TLK2: variants seen among roughly 807,000 people sequenced by gnomAD.
The protein encoded by TLK2 is serine/threonine-protein kinase tousled-like 2.
A neutral mutation model predicts 117.3 loss-of-function variants in TLK2; 6 were observed. The observed-to-expected ratio is 0.05, with a 90% CI of 0.03 to 0.10. The LOEUF is 0.10. Among genes scored for constraint, TLK2 ranks in the 10% least tolerant of loss-of-function variants. The probability of loss-of-function intolerance (pLI) is 1.00; values close to 1 mark genes in which losing one functional copy is unlikely to be tolerated. For missense variants in TLK2, 299 were observed against 901.2 expected (o/e 0.33, Z 8.56); for synonymous variants, 257 against 316.7 (o/e 0.81, Z 2.00).
At chr17:62,597,571 C>A (rs187584675) in intron 17 of TLK2, among the ~76,000 whole-genome samples, 1 of 152,274 alleles carries the variant, frequency 6.6e-6, no homozygotes, top group Non-Finnish European at 1.5e-5. Flanking sequence ...TTAAAAAGTA[C>A]TGGCCGTGTG....
At chr17:62,501,199 C>T (rs1340173302) in intron 2 of TLK2, among the ~76,000 whole-genome samples, 1 of 152,050 alleles carries the variant, frequency 6.6e-6, no homozygotes, top group Non-Finnish European at 1.5e-5. Flanking sequence ...GATCGTGCCA[C>T]TACACTCCAG....
At chr17:62,611,739 A>G (rs1358566619) in intron 21 of TLK2, among the ~76,000 whole-genome samples, 1 of 152,272 alleles carries the variant, frequency 6.6e-6, no homozygotes, top group Non-Finnish European at 1.5e-5. Context: ...CAGATAATCT[A>G]TATAAGGGCC....
rs1262279927 is a variant in TLK2, at chr17:62,553,584, A to G, written c.628-79A>G. ...GCAAGTGCTTTTTCCCACCCCCCCG[A>G]GAAAGGTAATGAGAAGAGTGTGATG... On this transcript the variant is annotated intron_variant, in intron 8 of 21. Coordinates refer to ENST00000346027, the MANE Select transcript of TLK2 (RefSeq NM_006852.6). 3 of 986,174 alleles carry G rather than the reference A, an allele frequency of 3.0e-6. No individual in the cohort carries two copies. In the African/African-American group the frequency reaches 4.9e-5, roughly 16 times the overall value. 61.1% of individuals were successfully genotyped at this position (986,174 alleles called of 1,614,324 possible). A position where few individuals can be genotyped will look rare whatever the true frequency, so the allele number is the denominator to read the frequency against.
intron 2 of TLK2, among the ~76,000 whole-genome samples, chr17:62,518,741 G>A (rs2075816061): frequency 6.6e-6 from 1 of 151,828 alleles, no homozygotes; most frequent in Admixed American, 6.6e-5. Flanking sequence ...GACTGAAAAT[G>A]ATTAAGAAGA....
intron 2 of TLK2, among the ~76,000 whole-genome samples, chr17:62,481,882 A>G (rs1385856459): frequency 3.3e-5 from 5 of 152,168 alleles, no homozygotes; most frequent in Non-Finnish European, 7.3e-5. Flanking sequence ...ACGATATTTT[A>G]TTTAAAAGCT....
chr17:62,608,200 T>C, intron 21 of TLK2, 52 bp downstream of exon 21: 2 of 1,482,878 alleles, frequency 1.3e-6, no homozygotes, highest in Non-Finnish European at 1.9e-6. Flanking sequence ...TTGCTTTCTG[T>C]ATTACTTTTT....
intron 21 of TLK2, among the ~76,000 whole-genome samples, chr17:62,609,582 C>G (rs1321758167): frequency 1.3e-5 from 2 of 152,200 alleles, no homozygotes; most frequent in Non-Finnish European, 2.9e-5. Context: ...AGTTTAAGTA[C>G]TGCATAACCA....
At chr17:62,487,961 C>T (rs1165853756) in intron 2 of TLK2, among the ~76,000 whole-genome samples, 3 of 150,348 alleles carry the variant, frequency 2.0e-5, no homozygotes, top group South Asian at 2.1e-4. Context: ...TTTTTGGAGA[C>T]GGAGTTTCAC....
rs538559822 is a variant in TLK2, at chr17:62,614,097, C to T, written c.*1532C>T. ...CGAGATGGCACCACTGCAATCCAGC[C>T]TAGGCAACAGAATGAGACTCTGTCT... On this transcript the variant is annotated 3_prime_UTR_variant, in exon 22 of 22. Coordinates refer to ENST00000346027, the MANE Select transcript of TLK2 (RefSeq NM_006852.6). The T allele has an allele frequency of 8.4e-5, 12 of 142,862 alleles. No individual in the cohort carries two copies. Among genetic ancestry groups the T allele is most frequent in the African/African-American group, 2.6e-4 (10 of 38,264 alleles). The allele number at this position is 142,862 out of a possible 1,614,324, so 8.8% of individuals were successfully genotyped here.
intron 16 of TLK2, among the ~76,000 whole-genome samples, chr17:62,593,262 G>T (rs2082210225): frequency 6.6e-6 from 1 of 152,154 alleles, no homozygotes; most frequent in Non-Finnish European, 1.5e-5. Context: ...GTTGTTCTGG[G>T]TGAGTCAGAG....
At position 62,565,283 on chromosome 17, in the gene TLK2, A is replaced by G. The variant is rs2079661763; in HGVS notation, c.968+146A>G. On this transcript the variant is annotated intron_variant, in intron 11 of 21. Transcript: ENST00000346027. ...AGTCACCACATGTGGAAAGAAATGT[A>G]TCGAATGAGGTGAAGTCCTGAAAAA... The G allele has an allele frequency of 4.7e-6, 5 of 1,064,378 alleles. No homozygotes were observed. In the South Asian group the frequency reaches 8.7e-5, roughly 19 times the overall value. The allele number at this position is 1,064,378 out of a possible 1,614,324, so 65.9% of individuals were successfully genotyped here. A position where few individuals can be genotyped will look rare whatever the true frequency, so the allele number is the denominator to read the frequency against.
intron 16 of TLK2, among the ~76,000 whole-genome samples, chr17:62,594,333 G>A (rs1295484647): frequency 6.6e-6 from 1 of 152,058 alleles, no homozygotes; most frequent in Non-Finnish European, 1.5e-5. Context: ...GCTTGAACCT[G>A]GAAGGCAAAG....
chr17:62,472,077 T>G (rs867546000), intron 1 of TLK2, among the ~76,000 whole-genome samples: 53 of 151,298 alleles, frequency 3.5e-4, no homozygotes, highest in Middle Eastern at 6.8e-3. Flanking sequence ...CGGCTAATTT[T>G]TTGTGTTTTT....
intron 2 of TLK2, among the ~76,000 whole-genome samples, chr17:62,500,984 A>C (rs1227912335): frequency 6.6e-6 from 1 of 152,236 alleles, no homozygotes; most frequent in Non-Finnish European, 1.5e-5. Flanking sequence ...CACACCTGTA[A>C]TCCCAGCACT....
intron 12 of TLK2, 123 bp from the exon 13 acceptor site, chr17:62,576,586 C>G (rs575110218): frequency 2.7e-6 from 2 of 744,398 alleles, no homozygotes; most frequent in Admixed American, 4.9e-5. Context: ...GATAACCCAT[C>G]TTTCAGTCAT....
At chr17:62,488,448 C>A (rs533787144) in intron 2 of TLK2, among the ~76,000 whole-genome samples, 22 of 151,810 alleles carry the variant, frequency 1.4e-4, no homozygotes, top group African/African-American at 5.4e-4. Flanking sequence ...GTATGTCTTA[C>A]ATTTAATTAC....
chr17:62,499,315 C>T (rs182836474), intron 2 of TLK2, among the ~76,000 whole-genome samples: 1 of 151,384 alleles, frequency 6.6e-6, no homozygotes, highest in Non-Finnish European at 1.5e-5. Flanking sequence ...GCCTGGGTGA[C>T]AGAGTAAGAC....
intron 2 of TLK2, among the ~76,000 whole-genome samples, chr17:62,515,326 A>G (rs1169440556): frequency 2.0e-5 from 3 of 151,980 alleles, no homozygotes; most frequent in Admixed American, 6.6e-5. Context: ...CCTGCTTTCA[A>G]CTCTTTTGAG....
intron 7 of TLK2, among the ~76,000 whole-genome samples, chr17:62,540,126 CAG>C (rs1212885793): frequency 1.5e-5 from 2 of 129,712 alleles, no homozygotes; most frequent in African/African-American, 2.9e-5. Context: ...TTAATAGAGA[CAG>C]AGTATTAGTG....
Sources: allele counts gnomAD v4.1 joint callset (sites outside exome capture counted in the v4.1 genomes callset), GRCh38; gene constraint gnomAD v4.1.1; transcripts MANE v1.5; gene names NCBI Gene and HGNC (gene_info 2026-07-23, HGNC 2026-07-21).